CLPB: variants seen among roughly 807,000 people sequenced by gnomAD.
CLPB encodes ClpB family mitochondrial disaggregase, also known as mitochondrial disaggregase.
CLPB carries 40 observed loss-of-function variants against 78.4 expected under a neutral mutation model. The observed-to-expected ratio is 0.51, with a 90% confidence interval of 0.40 to 0.66. The LOEUF (loss-of-function observed/expected upper bound fraction) is 0.66, where lower values mean the gene tolerates loss of function less well. CLPB is among the 30% of genes least tolerant of loss of function. The probability of loss-of-function intolerance (pLI) is 0.00; values close to 1 mark genes in which losing one functional copy is unlikely to be tolerated. For missense variants in CLPB, 780 were observed against 886.9 expected (o/e 0.88, Z 1.53); for synonymous variants, 333 against 348.0 (o/e 0.96, Z 0.48).
chr11:72,418,854 CAAAA>C (rs913728201), intron 2 of CLPB, among the ~76,000 whole-genome samples: 4 of 75,254 alleles, frequency 5.3e-5, no homozygotes, highest in South Asian at 4.2e-4. Context: ...ACTCCATCTC[CAAAA>C]AAAAAAAAAA....
chr11:72,295,826 G>A (rs1330291000), intron 11 of CLPB, among the ~76,000 whole-genome samples, 178 bp from the exon 12 acceptor site: 1 of 152,212 alleles, frequency 6.6e-6, no homozygotes, highest in Non-Finnish European at 1.5e-5. Context: ...CACCTTGGCT[G>A]CTGTGCTCAC....
At chr11:72,368,529 C>T (rs951747183) in intron 4 of CLPB, among the ~76,000 whole-genome samples, 4 of 152,132 alleles carry the variant, frequency 2.6e-5, no homozygotes, top group Non-Finnish European at 4.4e-5. Context: ...GCACATTTTA[C>T]CCACACTTTA....
chr11:72,416,465 G>A (rs953939199), intron 2 of CLPB, among the ~76,000 whole-genome samples: 9 of 152,148 alleles, frequency 5.9e-5, no homozygotes, highest in Admixed American at 2.0e-4. Context: ...GCTGGGTGCG[G>A]TGGCTCACAC....
intron 2 of CLPB, among the ~76,000 whole-genome samples, chr11:72,424,105 G>C (rs775047984): frequency 6.6e-5 from 10 of 152,210 alleles, no homozygotes; most frequent in Non-Finnish European, 8.8e-5. Context: ...GTGGCCTTCG[G>C]TGACTAGCTT....
At chr11:72,348,404 T>TA (rs966553002) in intron 5 of CLPB, among the ~76,000 whole-genome samples, 4 of 152,192 alleles carry the variant, frequency 2.6e-5, no homozygotes, top group African/African-American at 9.6e-5. Flanking sequence ...CCCATCTCCC[T>TA]ACCCCTTTAT....
At chr11:72,403,981 G>A (rs1035448961) in intron 2 of CLPB, among the ~76,000 whole-genome samples, 5 of 152,100 alleles carry the variant, frequency 3.3e-5, no homozygotes, top group African/African-American at 1.2e-4. Context: ...AAGAGTAATC[G>A]CCTCTTTTCA....
intron 1 of CLPB, among the ~76,000 whole-genome samples, chr11:72,433,060 C>T (rs1856593022): frequency 6.6e-6 from 1 of 152,162 alleles, no homozygotes; most frequent in Non-Finnish European, 1.5e-5. Context: ...TAATCGGGAT[C>T]AGCCAGTCCC....
At chr11:72,432,357 T>G (rs1856571022) in intron 1 of CLPB, among the ~76,000 whole-genome samples, 1 of 152,180 alleles carries the variant, frequency 6.6e-6, no homozygotes, top group Admixed American at 6.5e-5. Flanking sequence ...AAGATACATT[T>G]CCTGCTCTCA....
intron 2 of CLPB, among the ~76,000 whole-genome samples, chr11:72,421,059 G>A (rs1004019580): frequency 6.6e-5 from 10 of 152,174 alleles, no homozygotes; most frequent in Admixed American, 3.9e-4. Context: ...CTCAGGACAT[G>A]GTGCCCTGCA....
intron 11 of CLPB, among the ~76,000 whole-genome samples, chr11:72,298,886 A>G (rs1949605964): frequency 1.3e-5 from 2 of 152,150 alleles, no homozygotes; most frequent in Admixed American, 1.3e-4. Flanking sequence ...TTCTCTGCAC[A>G]TTATACACTC....
chr11:72,426,774 A>G (rs1283827085), intron 2 of CLPB, among the ~76,000 whole-genome samples: 1 of 152,222 alleles, frequency 6.6e-6, no homozygotes, highest in East Asian at 1.9e-4. Context: ...GAGGTGCACA[A>G]TCCAGCAGTT....
At chr11:72,420,811 C>G (rs554206901) in intron 2 of CLPB, among the ~76,000 whole-genome samples, 49 of 152,140 alleles carry the variant, frequency 3.2e-4, no homozygotes, top group Non-Finnish European at 5.9e-4. Flanking sequence ...GGTAAAGCCC[C>G]GTTCTTAGAG....
chr11:72,354,507 C>G (rs972445461), intron 5 of CLPB: 2 of 385,934 alleles, frequency 5.2e-6, no homozygotes, highest in Non-Finnish European at 9.1e-6. Context: ...CTGGAAATAT[C>G]AAGATGAGTC....
chr11:72,340,253 G>A (rs961296334), intron 5 of CLPB, among the ~76,000 whole-genome samples: 3 of 152,162 alleles, frequency 2.0e-5, no homozygotes, highest in African/African-American at 7.2e-5. Flanking sequence ...TACTGGTTTG[G>A]GGCAGCAGAG....
intron 2 of CLPB, among the ~76,000 whole-genome samples, chr11:72,427,126 C>G (rs1180543609): frequency 6.6e-6 from 1 of 152,238 alleles, no homozygotes; most frequent in Non-Finnish European, 1.5e-5. Flanking sequence ...GGACCCACAT[C>G]CAGGGCCCAT....
At chr11:72,383,359 CTAAAAAA>C (rs1241004018) in intron 3 of CLPB, among the ~76,000 whole-genome samples, 1 of 151,578 alleles carries the variant, frequency 6.6e-6, no homozygotes, top group African/African-American at 2.4e-5. Context: ...CCCGTCTCTA[CTAAAAAA>C]TAAAAAATAA....
chr11:72,324,435 T>G (rs1406063976), intron 6 of CLPB, among the ~76,000 whole-genome samples: 1 of 151,848 alleles, frequency 6.6e-6, no homozygotes, highest in Non-Finnish European at 1.5e-5. Flanking sequence ...AGTTGTGGTG[T>G]GGCCCCTGTA....
intron 9 of CLPB, 80 bp from the exon 10 acceptor site, chr11:72,302,428 C>T (rs905456601): frequency 8.0e-7 from 1 of 1,243,040 alleles, no homozygotes; most frequent in Non-Finnish European, 1.2e-6. Flanking sequence ...AGCACCTCAA[C>T]TATCCCCAAG....
chr11:72,422,279 A>C (rs1356940733), intron 2 of CLPB, among the ~76,000 whole-genome samples: 3 of 151,134 alleles, frequency 2.0e-5, no homozygotes, highest in Non-Finnish European at 3.0e-5. Context: ...AAAAAAAAAA[A>C]AAAAAAAAAA....
Sources: allele counts gnomAD v4.1 joint callset (sites outside exome capture counted in the v4.1 genomes callset), GRCh38; gene constraint gnomAD v4.1.1; transcripts MANE v1.5; gene names NCBI Gene and HGNC (gene_info 2026-07-23, HGNC 2026-07-21).